CASQ2: variants seen among roughly 807,000 people sequenced by gnomAD.
CASQ2 encodes the protein calsequestrin-2.
CASQ2 carries 49 observed loss-of-function variants against 46.5 expected under a neutral mutation model. That is an observed-to-expected ratio of 1.05 (90% CI 0.84 to 1.34). The LOEUF is 1.34. CASQ2 is among the 40% of genes most tolerant of loss of function. The pLI is 0.00. For missense variants in CASQ2, 486 were observed against 481.3 expected (o/e 1.01, Z -0.09); for synonymous variants, 174 against 168.5 (o/e 1.03, Z -0.25).
intron 4 of CASQ2, among the ~76,000 whole-genome samples, chr1:115,733,366 A>G (rs367648766): frequency 3.9e-5 from 6 of 152,224 alleles, no homozygotes; most frequent in African/African-American, 7.2e-5. Flanking sequence ...GCCAGAATAA[A>G]TGAGCCCTAA....
intron 4 of CASQ2, among the ~76,000 whole-genome samples, chr1:115,737,897 C>T (rs539237560): frequency 3.3e-5 from 5 of 152,292 alleles, no homozygotes; most frequent in Non-Finnish European, 5.9e-5. Context: ...GGAGACAGCC[C>T]ATTGCTTGTC....
At position 115,709,800 on chromosome 1, in the gene CASQ2, C is replaced by G. The variant is rs572256669; in HGVS notation, c.839-4508G>C. Among the ~76,000 whole-genome samples the G allele has an allele frequency of 6.6e-5, 10 of 152,202 alleles. No homozygotes were observed. The East Asian group carries it at 1.9e-3, about 29-fold the overall frequency. Reference sequence around the variant, plus strand: ...TTGAAATCTCCTTTTTTTCACATGACGTTTACTCCCCAATTTCTTCCTTTA... The same window carrying G: ...TTGAAATCTCCTTTTTTTCACATGAGGTTTACTCCCCAATTTCTTCCTTTA... On this transcript the variant is annotated intron_variant, in intron 8 of 10. Transcript: ENST00000261448.
At chr1:115,713,061 C>T (rs192234532) in intron 8 of CASQ2, among the ~76,000 whole-genome samples, 21 of 152,184 alleles carry the variant, frequency 1.4e-4, no homozygotes, top group Admixed American at 1.4e-3. Context: ...TTCTGTTCCA[C>T]GTGTGCAGAC....
chr1:115,708,813 A>C (rs1654443465), intron 8 of CASQ2, among the ~76,000 whole-genome samples: 1 of 152,174 alleles, frequency 6.6e-6, no homozygotes, highest in African/African-American at 2.4e-5. Flanking sequence ...AGTGGGGTAG[A>C]GGCAGTCTTG....
At chr1:115,741,646 C>T (rs1375566749) in intron 2 of CASQ2, among the ~76,000 whole-genome samples, 1 of 152,162 alleles carries the variant, frequency 6.6e-6, no homozygotes. Flanking sequence ...CAGCTGAATC[C>T]CACACATCTT....
chr1:115,760,719 C>T (rs568180896), intron 1 of CASQ2, among the ~76,000 whole-genome samples: 65 of 152,136 alleles, frequency 4.3e-4, no homozygotes, highest in Non-Finnish European at 7.4e-4. Context: ...ACCCAGGAAT[C>T]GGTATTTTTT....
intron 1 of CASQ2, among the ~76,000 whole-genome samples, chr1:115,748,786 C>G (rs1648475160): frequency 1.3e-5 from 2 of 152,082 alleles, no homozygotes; most frequent in African/African-American, 4.8e-5. Flanking sequence ...TTAAATGTTC[C>G]CTTGTATATC....
At chr1:115,736,919 T>TA (rs1647983451) in intron 4 of CASQ2, among the ~76,000 whole-genome samples, 1 of 152,150 alleles carries the variant, frequency 6.6e-6, no homozygotes, top group Non-Finnish European at 1.5e-5. Flanking sequence ...TGAAATGTGT[T>TA]AATTAAATAC....
At chr1:115,717,613 A>G (rs72703623) in intron 8 of CASQ2, among the ~76,000 whole-genome samples, 232 of 152,364 alleles carry the variant, frequency 1.5e-3, no homozygotes, top group Admixed American at 2.5e-3. Context: ...GCAGCGCTGT[A>G]GGAACCTGGT....
At chr1:115,701,880 C>G (rs1430879546) in intron 10 of CASQ2, among the ~76,000 whole-genome samples, 1 of 152,046 alleles carries the variant, frequency 6.6e-6, no homozygotes. Flanking sequence ...TGATTGAACA[C>G]CTATCAACAG....
At position 115,738,466 on chromosome 1, in the gene CASQ2, C is replaced by T. The variant is rs975452340; in HGVS notation, c.421-131G>A. 1.8e-5 allele frequency: 13 copies of T among 728,048 alleles called. No individual in the cohort carries two copies. In the African/African-American group the frequency reaches 2.1e-4, roughly 12 times the overall value. The allele number at this position is 728,048 out of a possible 1,614,324, so 45.1% of individuals were successfully genotyped here. On this transcript the variant is annotated intron_variant, in intron 3 of 10. Transcript: ENST00000261448. ...TGCCTCAAATATCTATTCCATTCTC[C>T]CCACAATCCCCCAGTGAGCATACCA...
In CASQ2 at chr1:115,702,905, C is replaced by T. The variant is rs773428958; in HGVS notation, c.1014+16G>A. ...GGCCAAGGGTGCCTGAGCAAGCCTT[C>T]ACAGGGGATACTCACATCTGTGACA... On this transcript the variant is annotated intron_variant, in intron 10 of 10. Transcript: ENST00000261448. 6.2e-7 allele frequency: 1 copy of T among 1,606,846 alleles called. No individual in the cohort carries two copies. The highest frequency in any genetic ancestry group is 2.2e-5 in the East Asian group (1 of 44,844).
At chr1:115,760,625 C>T (rs1438765715) in intron 1 of CASQ2, among the ~76,000 whole-genome samples, 1 of 152,214 alleles carries the variant, frequency 6.6e-6, no homozygotes, top group East Asian at 1.9e-4. Flanking sequence ...ATCTTAACAG[C>T]ACTCAGAAAG....
chr1:115,701,710 A>G (rs1418748863), intron 10 of CASQ2, among the ~76,000 whole-genome samples: 1 of 152,180 alleles, frequency 6.6e-6, no homozygotes, highest in Non-Finnish European at 1.5e-5. Flanking sequence ...CAGGAATGAG[A>G]CTAGGGGTTG....
In CASQ2 at chr1:115,727,137, A is replaced by G. The variant is rs138298959; in HGVS notation, c.607-15T>C. On this transcript the variant is annotated splice_polypyrimidine_tract_variant and intron_variant, in intron 5 of 10. Coordinates refer to ENST00000261448, the MANE Select transcript of CASQ2 (RefSeq NM_001232.4). ...TTCTTTGCAACCTGTAACCATTAGA[A>G]ATAAGACAAAGTTTATTTGAATACT... The G allele has an allele frequency of 3.3e-5, 53 of 1,599,214 alleles. No individual in the cohort carries two copies. In the African/African-American group the frequency reaches 6.7e-4, roughly 20 times the overall value.
chr1:115,768,531 GT>G lies in CASQ2; in HGVS notation c.10del (p.Thr4LeufsTer32). 1 of 1,609,138 alleles carries G rather than the reference GT, an allele frequency of 6.2e-7. No individual in the cohort carries two copies. Among genetic ancestry groups the G allele is most frequent in the Non-Finnish European group, 8.5e-7 (1 of 1,175,524 alleles). On this transcript the variant is annotated frameshift_variant, in exon 1 of 11. Transcript: ENST00000261448. LOFTEE classifies it high-confidence loss of function. Reference sequence around the variant, plus strand: ...ATAAATCCCCACAATAAACAAGTGAGTTCTCTTCATTTGGGAAAACTTTTGT... The same window carrying G: ...ATAAATCCCCACAATAAACAAGTGAGTCTCTTCATTTGGGAAAACTTTTGT... MKR[T>X]HLFIVGIYFL...
At position 115,768,552 on chromosome 1, in the gene CASQ2, T is replaced by A. The variant is rs189662170; in HGVS notation, c.-11A>T. 6.3e-7 allele frequency: 1 copy of A among 1,579,104 alleles called. No individual in the cohort carries two copies. The highest frequency in any genetic ancestry group is 1.7e-5 in the Admixed American group (1 of 59,840). On this transcript the variant is annotated 5_prime_UTR_variant, in exon 1 of 11. In the 5' UTR this introduces an upstream ATG that the reference lacks. Coordinates refer to ENST00000261448, the MANE Select transcript of CASQ2 (RefSeq NM_001232.4). ...GTGAGTTCTCTTCATTTGGGAAAAC[T>A]TTTGTTTCTCGTTCCCAAATATGCT...
intron 5 of CASQ2, among the ~76,000 whole-genome samples, chr1:115,730,619 T>C (rs1647752449): frequency 6.6e-6 from 1 of 152,222 alleles, no homozygotes; most frequent in Admixed American, 6.5e-5. Context: ...TTCTTCTTCC[T>C]GGATTTCCTA....
chr1:115,734,259 G>A (rs1212228318), intron 4 of CASQ2, among the ~76,000 whole-genome samples: 1 of 152,208 alleles, frequency 6.6e-6, no homozygotes, highest in Non-Finnish European at 1.5e-5. Flanking sequence ...AATGGCTAAA[G>A]CAACACCTAA....
Sources: allele counts gnomAD v4.1 joint callset (sites outside exome capture counted in the v4.1 genomes callset), GRCh38; gene constraint gnomAD v4.1.1; transcripts MANE v1.5; gene names NCBI Gene and HGNC (gene_info 2026-07-23, HGNC 2026-07-21).